The following SEC31A variants were observed in gnomAD, a reference collection of about 807,000 sequenced individuals.
SEC31A encodes SEC31 homolog A, COPII component.
Under a neutral mutation model 151.0 loss-of-function variants are expected in SEC31A, and 70 were observed. That is an observed-to-expected ratio of 0.46 (90% CI 0.38 to 0.57). The LOEUF is 0.57. Ranked by LOEUF, SEC31A falls within the 20% of genes least tolerant of loss-of-function variation. SEC31A has a pLI of 0.00. For missense variants in SEC31A, 1,330 were observed against 1,471.2 expected (o/e 0.90, Z 1.57); for synonymous variants, 475 against 505.9 (o/e 0.94, Z 0.82).
intron 20 of SEC31A, chr4:82,845,128 G>A: frequency 8.0e-6 from 8 of 996,878 alleles, no homozygotes; most frequent in Non-Finnish European, 1.1e-5. Context: ...CTTGAGGAAG[G>A]TAAGTAGAGA....
chr4:82,845,981 C>T (rs562397048), intron 20 of SEC31A, among the ~76,000 whole-genome samples: 1 of 151,922 alleles, frequency 6.6e-6, no homozygotes, highest in Non-Finnish European at 1.5e-5. Context: ...GCCCTAGAGG[C>T]CATTGTTTTT....
At chr4:82,875,700 C>T (rs763766825) in intron 5 of SEC31A, 27 bp downstream of exon 5, 2 of 1,404,098 alleles carry the variant, frequency 1.4e-6, no homozygotes, top group South Asian at 2.5e-5. Flanking sequence ...TTTTTGATTA[C>T]AATGATCAAA....
chr4:82,833,648 C>G (rs1427506670), intron 22 of SEC31A, among the ~76,000 whole-genome samples: 1 of 151,676 alleles, frequency 6.6e-6, no homozygotes, highest in Non-Finnish European at 1.5e-5. Context: ...AGGCTGAAAA[C>G]ATAGCAATCC....
intron 18 of SEC31A, among the ~76,000 whole-genome samples, chr4:82,853,040 C>T (rs1731793903): frequency 6.6e-6 from 1 of 152,202 alleles, no homozygotes; most frequent in African/African-American, 2.4e-5. Context: ...CAATAATGCT[C>T]GTTCACCCAC....
At chr4:82,884,224 G>C (rs1476388402) in intron 1 of SEC31A, among the ~76,000 whole-genome samples, 1 of 151,762 alleles carries the variant, frequency 6.6e-6, no homozygotes, top group African/African-American at 2.4e-5. Flanking sequence ...CCTGACCTCA[G>C]GTGATCCACC....
chr4:82,895,165 G>A (rs1245174693), upstream of SEC31A: 1 of 152,194 alleles, frequency 6.6e-6, no homozygotes, highest in African/African-American at 2.4e-5. Context: ...GTGCTGAAAA[G>A]ATTATATCAT....
intron 17 of SEC31A, among the ~76,000 whole-genome samples, chr4:82,854,570 TAA>T (rs1732206464): frequency 6.6e-6 from 1 of 152,098 alleles, no homozygotes; most frequent in Non-Finnish European, 1.5e-5. Context: ...TAATATTTAT[TAA>T]GTGAGAGTTA....
At chr4:82,857,632 A>C in intron 15 of SEC31A, 57 bp downstream of exon 15, 1 of 1,093,048 alleles carries the variant, frequency 9.1e-7, no homozygotes, top group Non-Finnish European at 1.4e-6. Context: ...AAATGCAGGA[A>C]CTATTTGTTT....
At chr4:82,836,551 C>G (rs1189730067) in intron 22 of SEC31A, among the ~76,000 whole-genome samples, 1 of 151,972 alleles carries the variant, frequency 6.6e-6, no homozygotes, top group African/African-American at 2.4e-5. Context: ...AAAAAAAATT[C>G]TGATACATGC....
intron 6 of SEC31A, 80 bp from the exon 7 acceptor site, chr4:82,872,166 T>C (rs1578332740): frequency 2.0e-6 from 2 of 1,005,716 alleles, no homozygotes; most frequent in Non-Finnish European, 3.1e-6. Flanking sequence ...TATACCTTTA[T>C]TGAAACAAAT....
chr4:82,826,393 G>A (rs912251935), intron 24 of SEC31A, among the ~76,000 whole-genome samples: 1 of 152,076 alleles, frequency 6.6e-6, no homozygotes, highest in African/African-American at 2.4e-5. Context: ...TCGCTCTGTC[G>A]TCCAGGCTGG....
intron 22 of SEC31A, among the ~76,000 whole-genome samples, chr4:82,837,637 G>A (rs551023681): frequency 3.2e-4 from 49 of 152,180 alleles, no homozygotes; most frequent in African/African-American, 1.1e-3. Flanking sequence ...TGCTGTGCCC[G>A]CCCCAAGAAA....
chr4:82,877,405 G>A (rs1056323431), intron 4 of SEC31A: 3 of 149,084 alleles, frequency 2.0e-5, no homozygotes, highest in Non-Finnish European at 4.4e-5. Context: ...TCCAGACAGG[G>A]TCTCTATGTG....
chr4:82,846,818 G>A (rs1377796423), intron 20 of SEC31A, among the ~76,000 whole-genome samples: 3 of 151,990 alleles, frequency 2.0e-5, no homozygotes, highest in Non-Finnish European at 4.4e-5. Flanking sequence ...GGGTTCAAGC[G>A]ATTCTCCTGC....
At position 82,824,555 on chromosome 4, in the gene SEC31A, A is replaced by T; in HGVS notation, c.3411T>A (p.Pro1137=). Residue 1137 remains proline, a splice_region_variant and synonymous_variant, in exon 25 of 27, where the codon CCT becomes CCA. Transcript: ENST00000395310. ...ATGATTTAAAAAAATAAATACATAC[A>T]GGGTCTGTTGCTGAAGAAAGGCAGC... is the stretch of plus-strand genomic sequence containing the variant. The part of the protein sequence containing the change: ...IQRCLSSATD[P]QTKRKLDDAS... The T allele has an allele frequency of 6.2e-7, 1 of 1,611,876 alleles. No homozygotes were observed. The highest frequency in any genetic ancestry group is 8.5e-7 in the Non-Finnish European group (1 of 1,179,428).
chr4:82,873,185 C>T (rs1333197461), intron 6 of SEC31A, among the ~76,000 whole-genome samples: 1 of 151,820 alleles, frequency 6.6e-6, no homozygotes, highest in Non-Finnish European at 1.5e-5. Flanking sequence ...ATGGTAAAAC[C>T]CATCTCTACT....
chr4:82,890,662 G>A, intron 1 of SEC31A: 1 of 799,174 alleles, frequency 1.3e-6, no homozygotes, highest in Non-Finnish European at 1.5e-6. Flanking sequence ...CTTTAAATCT[G>A]GCAATAGTTC....
At chr4:82,833,948 G>C (rs1726625237) in intron 22 of SEC31A, among the ~76,000 whole-genome samples, 1 of 152,136 alleles carries the variant, frequency 6.6e-6, no homozygotes, top group Admixed American at 6.5e-5. Flanking sequence ...ATTGTGTAGA[G>C]TGCAATTCTA....
intron 2 of SEC31A, chr4:82,900,004 T>C (rs1252987895): frequency 6.6e-6 from 1 of 152,310 alleles, no homozygotes; most frequent in African/African-American, 2.4e-5. Flanking sequence ...TAATGCCTCA[T>C]TCCCAACCAA....
Sources: gnomAD v4.1 joint callset for allele counts (sites outside exome capture counted in the v4.1 genomes callset) on GRCh38, gnomAD v4.1.1 for gene constraint, MANE v1.5 for transcripts, NCBI Gene and HGNC (gene_info 2026-07-23, HGNC 2026-07-21) for gene names.